ACKR2: variants seen among roughly 807,000 people sequenced by gnomAD.
ACKR2 encodes the protein C-C chemokine receptor D6.
For missense variants in ACKR2, 457 were observed against 477.3 expected (o/e 0.96, Z 0.40); for synonymous variants, 207 against 192.2 (o/e 1.08, Z -0.64).
intron 2 of ACKR2, among the ~76,000 whole-genome samples, chr3:42,837,607 G>A (rs558712115): frequency 4.6e-5 from 7 of 152,184 alleles, no homozygotes; most frequent in African/African-American, 1.7e-4. Context: ...CTCTGTTTTT[G>A]TTATCTCCAG....
At chr3:42,854,762 G>A (rs1051600048) in intron 2 of ACKR2, among the ~76,000 whole-genome samples, 1 of 151,968 alleles carries the variant, frequency 6.6e-6, no homozygotes, top group Non-Finnish European at 1.5e-5. Context: ...CCTCAACTGC[G>A]ACTTTCCTGA....
At position 42,867,200 on chromosome 3, in the gene ACKR2, A is replaced by C. The variant is rs1379849398; in HGVS notation, c.*1543A>C. The C allele has an allele frequency of 6.0e-6, 1 of 167,050 alleles. No homozygotes were observed. The highest frequency in any genetic ancestry group is 1.5e-5 in the Non-Finnish European group (1 of 68,124). 10.3% of individuals were successfully genotyped at this position (167,050 alleles called of 1,614,324 possible). ...ATTCATCATTTCAAAGTTACTTTCT[A>C]TATGCGGCCGGAACAGGGTGGTTGA... On this transcript the variant is annotated 3_prime_UTR_variant, in exon 3 of 3. Transcript: ENST00000422265.
intron 2 of ACKR2, among the ~76,000 whole-genome samples, chr3:42,839,748 A>C (rs896231753): frequency 1.3e-5 from 2 of 152,202 alleles, no homozygotes; most frequent in Non-Finnish European, 2.9e-5. Context: ...TGGGAGAGGC[A>C]GGAGAGGATG....
intron 2 of ACKR2, among the ~76,000 whole-genome samples, chr3:42,830,629 A>C (rs1328699589): frequency 6.6e-6 from 1 of 152,000 alleles, no homozygotes; most frequent in Non-Finnish European, 1.5e-5. Context: ...TGTTTCTTTC[A>C]AGTCCCCCTC....
chr3:42,828,074 TTA>T lies in ACKR2; in HGVS notation c.-38+8381_-38+8382del, dbSNP rs199846772. Reference sequence around the variant, plus strand: ...GAGGATATGTCAAAGGATGCTTGCATTATATATATATATATATATTTTTTTTT... The same window carrying T: ...GAGGATATGTCAAAGGATGCTTGCATTATATATATATATATATTTTTTTTT... On this transcript the variant is annotated intron_variant, in intron 2 of 2. Coordinates refer to ENST00000422265, the MANE Select transcript of ACKR2 (RefSeq NM_001296.5). 1.8e-3 allele frequency among the ~76,000 whole-genome samples: 224 copies of T among 122,516 alleles called. 1 individual carries two copies. Among genetic ancestry groups the T allele is most frequent in the African/African-American group, 6.1e-3 (202 of 33,124 alleles). The allele number at this position is 122,516 out of a possible 152,430, so 80.4% of individuals were successfully genotyped here. A position where few individuals can be genotyped will look rare whatever the true frequency, so the allele number is the denominator to read the frequency against.
chr3:42,833,227 T>C (rs929940152), intron 2 of ACKR2, among the ~76,000 whole-genome samples: 1 of 152,206 alleles, frequency 6.6e-6, no homozygotes, highest in Non-Finnish European at 1.5e-5. Context: ...AATTTTCTAA[T>C]AGTCAACATT....
chr3:42,838,019 T>A (rs1003023180), intron 2 of ACKR2, among the ~76,000 whole-genome samples: 2 of 152,126 alleles, frequency 1.3e-5, no homozygotes, highest in Non-Finnish European at 2.9e-5. Context: ...CAAATAGCCT[T>A]CCAAGGTTTG....
At chr3:42,813,884 G>A (rs563231186) in intron 1 of ACKR2, among the ~76,000 whole-genome samples, 2 of 152,208 alleles carry the variant, frequency 1.3e-5, no homozygotes, top group South Asian at 4.1e-4. Context: ...TTAAGTTTTC[G>A]CAGTATCATT....
chr3:42,825,165 T>C (rs1301008552), intron 2 of ACKR2, among the ~76,000 whole-genome samples: 1 of 152,190 alleles, frequency 6.6e-6, no homozygotes, highest in Admixed American at 6.5e-5. Context: ...TTGTCCTTTT[T>C]CAAAGTTGTT....
rs773049299 is a variant in ACKR2, at chr3:42,865,498, A to G, written c.996A>G (p.Gly332=). The change falls in exon 3 of 3, where the codon GGA becomes GGG. Residue 332 remains glycine (G), a synonymous_variant. Transcript: ENST00000422265. ...YLKAFLAAVL[G]WHLAPGTAQA... is the part of the protein sequence containing the mutation. ...AGGCTTTCCTGGCTGCCGTGCTTGG[A>G]TGGCACCTGGCACCTGGCACTGCCC... is the stretch of plus-strand genomic sequence containing the variant. 3 of 1,613,940 alleles carry G rather than the reference A, an allele frequency of 1.9e-6. No homozygotes were observed. The highest frequency in any genetic ancestry group is 2.2e-5 in the South Asian group (2 of 91,084).
At chr3:42,859,206 C>A (rs1385580474) in intron 2 of ACKR2, among the ~76,000 whole-genome samples, 2 of 152,046 alleles carry the variant, frequency 1.3e-5, no homozygotes, top group African/African-American at 2.4e-5. Context: ...AGAAGAACAA[C>A]CCCAAGATAC....
intron 1 of ACKR2, among the ~76,000 whole-genome samples, chr3:42,811,307 A>G (rs552493332): frequency 1.3e-5 from 2 of 152,364 alleles, no homozygotes; most frequent in South Asian, 2.1e-4. Context: ...CTGTTAATCT[A>G]TAACTTTAGC....
chr3:42,813,767 G>A (rs1364726235), intron 1 of ACKR2, among the ~76,000 whole-genome samples: 1 of 152,170 alleles, frequency 6.6e-6, no homozygotes, highest in African/African-American at 2.4e-5. Context: ...ATACTTCACT[G>A]GTTCACAGCA....
At chr3:42,836,834 G>C (rs572151631) in intron 2 of ACKR2, among the ~76,000 whole-genome samples, 2 of 152,262 alleles carry the variant, frequency 1.3e-5, no homozygotes, top group South Asian at 4.1e-4. Context: ...TATGAAATGG[G>C]CTGGGCTAAT....
At position 42,816,189 on chromosome 3, in the gene ACKR2, CGTGTGTGTGT is replaced by C. The variant is rs56332875; in HGVS notation, c.-118-3419_-118-3410del. ...AACCTATAAACACAATTGATAGTTTCGTGTGTGTGTGTGTGTGTGTGTGTGTGTGTGTACT... is the reference window on the plus strand; with the variant it reads ...AACCTATAAACACAATTGATAGTTTCGTGTGTGTGTGTGTGTGTGTGTACT... On this transcript the variant is annotated intron_variant, in intron 1 of 2. Coordinates refer to ENST00000422265, the MANE Select transcript of ACKR2 (RefSeq NM_001296.5). Among the ~76,000 whole-genome samples, 739 of 145,952 alleles carry C rather than the reference CGTGTGTGTGT, an allele frequency of 5.1e-3. 2 individuals are homozygous for C. Among genetic ancestry groups the C allele is most frequent in the African/African-American group, 0.017 (687 of 39,540 alleles).
intron 2 of ACKR2, among the ~76,000 whole-genome samples, chr3:42,844,409 T>A (rs1451319796): frequency 9.9e-5 from 15 of 151,790 alleles, no homozygotes; most frequent in Admixed American, 9.8e-4. Context: ...AGGTGGGGTA[T>A]TTAGGCACCA....
At chr3:42,812,746 G>C (rs369846429) in intron 1 of ACKR2, among the ~76,000 whole-genome samples, 14 of 121,564 alleles carry the variant, frequency 1.2e-4, no homozygotes, top group African/African-American at 4.4e-4. Context: ...GAGTGCACTG[G>C]CATAATCTCA....
intron 1 of ACKR2, among the ~76,000 whole-genome samples, chr3:42,813,024 A>G (rs1402999623): frequency 6.6e-6 from 1 of 152,174 alleles, no homozygotes; most frequent in African/African-American, 2.4e-5. Flanking sequence ...TATATGTGGT[A>G]AAGTGATTGA....
At chr3:42,823,018 T>G (rs529433957) in intron 2 of ACKR2, among the ~76,000 whole-genome samples, 1 of 152,124 alleles carries the variant, frequency 6.6e-6, no homozygotes, top group East Asian at 1.9e-4. Flanking sequence ...TTACGCTCAC[T>G]CCAGTGTTTG....
Sources: gnomAD v4.1 joint callset for allele counts (sites outside exome capture counted in the v4.1 genomes callset) on GRCh38, gnomAD v4.1.1 for gene constraint, MANE v1.5 for transcripts, NCBI Gene and HGNC (gene_info 2026-07-23, HGNC 2026-07-21) for gene names.